The following VPS8 variants were observed in gnomAD, a reference collection of about 807,000 sequenced individuals.
VPS8 encodes the protein VPS8 subunit of CORVET complex.
In VPS8, 129 loss-of-function variants were observed where a neutral mutation model predicts 216.4. That is an observed-to-expected ratio of 0.60 (90% CI 0.52 to 0.69). The LOEUF (loss-of-function observed/expected upper bound fraction) is 0.69. Among genes scored for constraint, VPS8 ranks in the 30% least tolerant of loss-of-function variants. The pLI, the probability that VPS8 is intolerant of heterozygous loss-of-function variation, is 0.00. For missense variants in VPS8, 1,531 were observed against 1,683.5 expected, an observed-to-expected ratio of 0.91 and a Z score of 1.59; for synonymous variants, 571 against 565.4, an observed-to-expected ratio of 1.01 and a Z score of -0.14.
At chr3:184,917,352 G>A (rs532042972) in intron 28 of VPS8, among the ~76,000 whole-genome samples, 13 of 152,164 alleles carry the variant, frequency 8.5e-5, no homozygotes, top group Non-Finnish European at 1.0e-4. Flanking sequence ...CAGAGAGGTA[G>A]GCAGATACCG....
intron 36 of VPS8, among the ~76,000 whole-genome samples, chr3:184,941,260 G>GGCTGTGGTACATTTAAATCTTGAATAA: frequency 6.6e-6 from 1 of 152,128 alleles, no homozygotes; most frequent in Non-Finnish European, 1.5e-5. Flanking sequence ...ATCTTGAATA[G>GGCTGTGGTACATTTAAATCTTGAATAA]GCTGTGGTAC....
At chr3:184,876,260 C>A (rs1729255299) in intron 21 of VPS8, among the ~76,000 whole-genome samples, 1 of 151,940 alleles carries the variant, frequency 6.6e-6, no homozygotes, top group Non-Finnish European at 1.5e-5. Flanking sequence ...TGTTAGGATT[C>A]TTCACAATAC....
At position 184,870,786 on chromosome 3, in the gene VPS8, T is replaced by A; in HGVS notation, c.1715T>A (p.Val572Glu). The A allele has an allele frequency of 4.3e-6, 7 of 1,611,660 alleles. No homozygotes were observed. Among genetic ancestry groups the A allele is most frequent in the Non-Finnish European group, 5.9e-6 (7 of 1,178,808 alleles). The part of the protein sequence containing the change: ...KKCPDQGKIQ[V>E]MEQHFQDMVP... Reference sequence around the variant, plus strand: ...TGCCCAGACCAAGGAAAAATCCAAGTGATGGAGCAGCATTTTCAGGTACAC... The same window carrying A: ...TGCCCAGACCAAGGAAAAATCCAAGAGATGGAGCAGCATTTTCAGGTACAC... The change falls in exon 21 of 48, where the codon GTG becomes GAG. Residue 572 changes from valine to glutamate, a missense_variant. Around this residue, in one of 3 missense-constraint regions of VPS8, gnomAD observed 1,318 missense variants for 1,468.4 expected, o/e 0.90. Coordinates refer to ENST00000625842, the MANE Select transcript of VPS8 (RefSeq NM_001009921.3).
chr3:184,960,012 C>G (rs553901860), intron 37 of VPS8, among the ~76,000 whole-genome samples: 29 of 152,022 alleles, frequency 1.9e-4, no homozygotes, highest in African/African-American at 6.8e-4. Context: ...CAACAGACCC[C>G]GGTGTGTGAT....
At chr3:184,969,516 G>A (rs1314682673) in intron 39 of VPS8, among the ~76,000 whole-genome samples, 4 of 131,290 alleles carry the variant, frequency 3.0e-5, no homozygotes, top group Admixed American at 1.9e-4. Flanking sequence ...TACAACCTCC[G>A]CCTCCCGGGT....
Position 185,001,036 on chromosome 3 carries a change from C to G in VPS8, c.4002+1175C>G, listed in dbSNP as rs1346745189. 2.6e-5 allele frequency among the ~76,000 whole-genome samples: 4 copies of G among 152,182 alleles called. No individual in the cohort carries two copies. In the East Asian group the frequency reaches 7.7e-4, roughly 29 times the overall value. On this transcript the variant is annotated intron_variant, in intron 45 of 47. Transcript: ENST00000625842. ...TGGTAGCCTTTCCAATTATACCTTC[C>G]CCAAGTTTGTATTGAACAGTGTGAT... is the stretch of plus-strand genomic sequence containing the variant.
At chr3:185,039,479 G>A (rs996283450) in intron 46 of VPS8, among the ~76,000 whole-genome samples, 1 of 151,950 alleles carries the variant, frequency 6.6e-6, no homozygotes, top group African/African-American at 2.4e-5. Flanking sequence ...CAAGAAAAAG[G>A]GGCATTGCTA....
intron 21 of VPS8, among the ~76,000 whole-genome samples, chr3:184,877,467 C>T (rs1464551039): frequency 1.3e-5 from 2 of 152,140 alleles, no homozygotes; most frequent in Non-Finnish European, 2.9e-5. Flanking sequence ...AGCTAAGAAC[C>T]AAATGTAGGA....
chr3:185,023,777 T>C (rs986534453), intron 45 of VPS8, among the ~76,000 whole-genome samples: 37 of 152,344 alleles, frequency 2.4e-4, no homozygotes, highest in African/African-American at 8.9e-4. Context: ...GTAGGCAGCA[T>C]GTAGTCAGGT....
intron 17 of VPS8, among the ~76,000 whole-genome samples, chr3:184,867,771 C>G (rs536774860): frequency 6.6e-6 from 1 of 152,062 alleles, no homozygotes; most frequent in Non-Finnish European, 1.5e-5. Flanking sequence ...ATTTGAACCC[C>G]GGAGGTGGAG....
Position 184,994,000 on chromosome 3 carries a change from A to G in VPS8, c.3603A>G (p.Lys1201=). Residue 1201 remains lysine, a synonymous_variant, in exon 43 of 48, where the codon AAA becomes AAG. Transcript: ENST00000625842. Reference sequence around the variant, plus strand: ...CCGATTAGGATCCAGTTTATGGAAAAGGAAAACTTGGAGAAATCCAGGGAC... The same window carrying G: ...CCGATTAGGATCCAGTTTATGGAAAGGGAAAACTTGGAGAAATCCAGGGAC... ...QRILQDPVYG[K]GKLGEIQGLI... 2 of 1,565,408 alleles carry G rather than the reference A, an allele frequency of 1.3e-6. No individual in the cohort carries two copies. Among genetic ancestry groups the G allele is most frequent in the Admixed American group, 1.9e-5 (1 of 52,602 alleles).
Position 185,002,613 on chromosome 3 carries a change from C to T in VPS8, c.4002+2752C>T, listed in dbSNP as rs773031065. ...CCCTTACTTTGCTCCAGTCCTTCCC[C>T]CCTCCCTGAGTCCCCAAAGTCCATT... On this transcript the variant is annotated intron_variant, in intron 45 of 47. Coordinates refer to ENST00000625842, the MANE Select transcript of VPS8 (RefSeq NM_001009921.3). 3.9e-5 allele frequency among the ~76,000 whole-genome samples: 6 copies of T among 152,200 alleles called. No individual in the cohort carries two copies. In the South Asian group the frequency reaches 6.2e-4, roughly 16 times the overall value.
chr3:184,969,901 CTTTTTTTTTTT>C (rs755680287), intron 39 of VPS8, among the ~76,000 whole-genome samples: 4 of 110,230 alleles, frequency 3.6e-5, no homozygotes, highest in South Asian at 3.3e-4. Context: ...TACTTTCTTA[CTTTTTTTTTTT>C]TTTTTTTTTT....
At chr3:185,024,058 A>G (rs1757023193) in intron 45 of VPS8, among the ~76,000 whole-genome samples, 1 of 152,152 alleles carries the variant, frequency 6.6e-6, no homozygotes, top group Admixed American at 6.5e-5. Flanking sequence ...ATCACCAAAG[A>G]TCTATTATCT....
At chr3:184,895,536 G>A (rs1329705042) in intron 23 of VPS8, among the ~76,000 whole-genome samples, 1 of 134,136 alleles carries the variant, frequency 7.5e-6, no homozygotes, top group Non-Finnish European at 1.6e-5. Flanking sequence ...TAATTGAGGT[G>A]CAGTATTTAT....
chr3:184,887,409 C>CTT (rs140218240), intron 22 of VPS8, among the ~76,000 whole-genome samples: 4 of 147,312 alleles, frequency 2.7e-5, no homozygotes, highest in Non-Finnish European at 6.0e-5. Flanking sequence ...TTTTTTTTTT[C>CTT]TTTTTTTTTT....
intron 22 of VPS8, among the ~76,000 whole-genome samples, chr3:184,889,895 T>C (rs889866347): frequency 2.6e-5 from 4 of 152,224 alleles, no homozygotes; most frequent in African/African-American, 9.6e-5. Context: ...TTTAATTGTT[T>C]GCATCTAGGC....
chr3:184,957,868 G>T (rs1193200444), intron 37 of VPS8, among the ~76,000 whole-genome samples: 1 of 152,196 alleles, frequency 6.6e-6, no homozygotes, highest in African/African-American at 2.4e-5. Context: ...GTGGAAACAT[G>T]TATGGGAAGA....
intron 8 of VPS8, among the ~76,000 whole-genome samples, chr3:184,848,442 C>T (rs1723558693): frequency 6.6e-6 from 1 of 151,398 alleles, no homozygotes; most frequent in Admixed American, 6.6e-5. Flanking sequence ...GCAAGAAATA[C>T]AATTCTAGGA....
Sources: gnomAD v4.1 joint callset for allele counts (sites outside exome capture counted in the v4.1 genomes callset) on GRCh38, gnomAD v4.1.1 for gene constraint, gnomAD v4.1.1 regional missense constraint, MANE v1.5 for transcripts, NCBI Gene and HGNC (gene_info 2026-07-23, HGNC 2026-07-21) for gene names.